Variants in FARS2 observed in about 807,000 individuals in gnomAD.
The protein encoded by FARS2 is phenylalanyl-tRNA synthetase 2, mitochondrial.
A neutral mutation model predicts 46.4 loss-of-function variants in FARS2; 40 were observed. The ratio of observed to expected loss-of-function variants is 0.86; its 90% CI spans 0.67 to 1.12. FARS2 has a LOEUF of 1.12. Among genes scored for constraint, FARS2 ranks in the 50% most tolerant of loss-of-function variants. The pLI is 0.00. For missense variants in FARS2, 513 were observed against 567.9 expected, an observed-to-expected ratio of 0.90 and a Z score of 0.98; for synonymous variants, 234 against 214.9, an observed-to-expected ratio of 1.09 and a Z score of -0.78.
chr6:5,257,736 T>C (rs1764748097), upstream of FARS2, among the ~76,000 whole-genome samples: 2 of 152,152 alleles, frequency 1.3e-5, no homozygotes, highest in African/African-American at 4.8e-5. Flanking sequence ...CCTGATGATC[T>C]GAGGTGGAAG....
At chr6:5,387,737 A>G (rs1233998324) in intron 2 of FARS2, among the ~76,000 whole-genome samples, 1 of 152,174 alleles carries the variant, frequency 6.6e-6, no homozygotes, top group African/African-American at 2.4e-5. Context: ...TTATCCTTCT[A>G]GAGCTCTTTC....
intron 6 of FARS2, among the ~76,000 whole-genome samples, chr6:5,697,308 CA>C (rs892626245): frequency 3.9e-5 from 6 of 152,146 alleles, no homozygotes; most frequent in African/African-American, 1.4e-4. Flanking sequence ...GTGAAGGAAA[CA>C]GACCGATGGC....
intron 5 of FARS2, among the ~76,000 whole-genome samples, chr6:5,603,223 G>A (rs890605468): frequency 1.3e-5 from 2 of 152,156 alleles, no homozygotes; most frequent in African/African-American, 4.8e-5. Context: ...AGCCTCCCAA[G>A]AAGCTGGGAC....
At chr6:5,658,748 G>T (rs1191282270) in intron 6 of FARS2, among the ~76,000 whole-genome samples, 1 of 152,166 alleles carries the variant, frequency 6.6e-6, no homozygotes, top group Non-Finnish European at 1.5e-5. Flanking sequence ...TCAAGGAGAT[G>T]AATTCTAGGA....
chr6:5,467,954 A>C (rs1303942437), intron 4 of FARS2, among the ~76,000 whole-genome samples: 2 of 152,222 alleles, frequency 1.3e-5, no homozygotes, highest in African/African-American at 2.4e-5. Flanking sequence ...ATGTCATTAA[A>C]TAGAATATAT....
At chr6:5,358,848 C>G (rs1458450429) in intron 1 of FARS2, among the ~76,000 whole-genome samples, 2 of 151,884 alleles carry the variant, frequency 1.3e-5, no homozygotes, top group Non-Finnish European at 2.9e-5. Flanking sequence ...AAAAAAACTT[C>G]TAAAAGTTAT....
chr6:5,758,003 A>T (rs1482510121), intron 6 of FARS2, among the ~76,000 whole-genome samples: 4 of 152,192 alleles, frequency 2.6e-5, no homozygotes, highest in African/African-American at 9.6e-5. Context: ...TCAGTTTGTT[A>T]TGTTAGCTCT....
At chr6:5,399,131 TTATTATTATTA>T (rs1761083355) in intron 2 of FARS2, among the ~76,000 whole-genome samples, 4 of 17,536 alleles carry the variant, frequency 2.3e-4, no homozygotes, top group Admixed American at 5.7e-4. Flanking sequence ...TATTATTTTA[TTATTATTATTA>T]TTATTATTAT....
rs561501132 is a variant in FARS2, at chr6:5,305,181, T to C, written c.-22+43521T>C. On this transcript the variant is annotated intron_variant, in intron 1 of 6. Transcript: ENST00000274680. Reference sequence around the variant, plus strand: ...TGATTAATTAGCAATTTGTTCTAGATCTTTGTCATTGCAGTTTTCTTCAAT... The same window carrying C: ...TGATTAATTAGCAATTTGTTCTAGACCTTTGTCATTGCAGTTTTCTTCAAT... Among the ~76,000 whole-genome samples, 7 of 152,358 alleles carry C rather than the reference T, an allele frequency of 4.6e-5. No homozygotes were observed. The South Asian group carries it at 1.5e-3, about 32-fold the overall frequency.
At chr6:5,526,146 A>G (rs1387862213) in intron 4 of FARS2, among the ~76,000 whole-genome samples, 1 of 152,202 alleles carries the variant, frequency 6.6e-6, no homozygotes, top group African/African-American at 2.4e-5. Context: ...TAGAGATGGG[A>G]GTTTCTCTCA....
intron 6 of FARS2, among the ~76,000 whole-genome samples, chr6:5,745,122 G>T (rs1453369888): frequency 6.6e-6 from 1 of 152,248 alleles, no homozygotes; most frequent in Non-Finnish European, 1.5e-5. Flanking sequence ...AAAACTGACT[G>T]AGTTAGGGCG....
At chr6:5,316,137 C>A (rs1769500786) in intron 1 of FARS2, among the ~76,000 whole-genome samples, 1 of 152,152 alleles carries the variant, frequency 6.6e-6, no homozygotes, top group African/African-American at 2.4e-5. Context: ...ATCAAAACAG[C>A]CAGAGAGGTT....
intron 4 of FARS2, among the ~76,000 whole-genome samples, chr6:5,441,603 G>C (rs991958856): frequency 6.6e-6 from 1 of 152,110 alleles, no homozygotes; most frequent in East Asian, 1.9e-4. Flanking sequence ...GTTTTTTGCA[G>C]CTTATATTCT....
intron 4 of FARS2, among the ~76,000 whole-genome samples, chr6:5,468,692 C>T (rs1018336442): frequency 1.3e-5 from 2 of 152,174 alleles, no homozygotes; most frequent in African/African-American, 4.8e-5. Context: ...GCATAATCAG[C>T]AATCCATTTT....
At chr6:5,620,452 G>A (rs1775711877) in intron 6 of FARS2, among the ~76,000 whole-genome samples, 1 of 152,188 alleles carries the variant, frequency 6.6e-6, no homozygotes, top group East Asian at 1.9e-4. Flanking sequence ...GGAACAGAGA[G>A]ACCCACTTGT....
chr6:5,726,592 A>C (rs1201824126), intron 6 of FARS2, among the ~76,000 whole-genome samples: 1 of 152,198 alleles, frequency 6.6e-6, no homozygotes, highest in African/African-American at 2.4e-5. Context: ...CAATTGTCTT[A>C]ACGATATTTT....
intron 3 of FARS2, among the ~76,000 whole-genome samples, chr6:5,427,001 A>G (rs1482241917): frequency 6.6e-6 from 1 of 152,200 alleles, no homozygotes; most frequent in Non-Finnish European, 1.5e-5. Context: ...CATTAATATA[A>G]TTTACTTTCA....
chr6:5,359,452 C>T (rs1758165621), intron 1 of FARS2, among the ~76,000 whole-genome samples: 1 of 152,168 alleles, frequency 6.6e-6, no homozygotes, highest in African/African-American at 2.4e-5. Flanking sequence ...TTTAAAAAGA[C>T]ATTGTCTGCA....
intron 6 of FARS2, among the ~76,000 whole-genome samples, chr6:5,658,147 T>G (rs900990937): frequency 6.6e-6 from 1 of 151,828 alleles, no homozygotes; most frequent in Non-Finnish European, 1.5e-5. Context: ...TCCCAGCTAC[T>G]CAGGAGGCTG....
Sources: allele counts gnomAD v4.1 joint callset (sites outside exome capture counted in the v4.1 genomes callset), GRCh38; gene constraint gnomAD v4.1.1; transcripts MANE v1.5; gene names NCBI Gene and HGNC (gene_info 2026-07-23, HGNC 2026-07-21).